The following MERTK variants were observed in gnomAD, a reference collection of about 807,000 sequenced individuals.
The protein encoded by MERTK is MER proto-oncogene, tyrosine kinase, also known as tyrosine-protein kinase Mer.
MERTK carries 69 observed loss-of-function variants against 99.3 expected under a neutral mutation model. The observed-to-expected ratio is 0.70, with a 90% CI of 0.57 to 0.85. MERTK has a LOEUF of 0.85. Among genes scored for constraint, MERTK ranks in the 40% least tolerant of loss-of-function variants. The probability of loss-of-function intolerance (pLI) is 0.00; values close to 1 mark genes in which losing one functional copy is unlikely to be tolerated. For synonymous variants in MERTK, 426 were observed against 467.6 expected, an observed-to-expected ratio of 0.91 and a Z score of 1.15; for missense variants, 1,125 against 1,249.4, an observed-to-expected ratio of 0.90 and a Z score of 1.50.
intron 4 of MERTK, among the ~76,000 whole-genome samples, chr2:111,962,332 A>G (rs2104719224): frequency 6.6e-6 from 1 of 152,220 alleles, no homozygotes; most frequent in South Asian, 2.1e-4. Flanking sequence ...ACATGGTGAT[A>G]CCCCGTCTCT....
chr2:111,952,488 C>G (rs1162722953), intron 4 of MERTK: 1 of 154,138 alleles, frequency 6.5e-6, no homozygotes, highest in Non-Finnish European at 1.5e-5. Flanking sequence ...ACAAATGAGC[C>G]AAAACTTAGG....
At chr2:111,970,792 TCCTCCTCCC>T (rs1676099622) in intron 6 of MERTK, among the ~76,000 whole-genome samples, 1 of 16,100 alleles carries the variant, frequency 6.2e-5, no homozygotes, top group Non-Finnish European at 1.3e-4. Flanking sequence ...TCCTCCCTCC[TCCTCCTCCC>T]CCCTCCTCCT....
chr2:112,025,902 A>G (rs1296118078), intron 18 of MERTK, among the ~76,000 whole-genome samples: 2 of 152,172 alleles, frequency 1.3e-5, no homozygotes, highest in African/African-American at 2.4e-5. Context: ...TCTATCTCCA[A>G]AACTCTTCTT....
intron 10 of MERTK, among the ~76,000 whole-genome samples, chr2:112,000,887 T>C (rs1004588950): frequency 6.6e-6 from 1 of 152,220 alleles, no homozygotes; most frequent in Non-Finnish European, 1.5e-5. Context: ...TTCATAAGTA[T>C]AGACTTATGG....
rs1214570160 is a variant in MERTK at position 111,929,461 on chromosome 2, A to G, written c.403A>G (p.Lys135Glu). The change falls in exon 2 of 19, where the codon AAG becomes GAG. Residue 135 changes from lysine (K) to glutamate (E), a missense_variant. Physicochemically the swap from Lys to Glu is moderately conservative, Grantham distance 56 (BLOSUM62 1). Transcript: ENST00000295408. ...DTTISWWKDG[K>E]ELLGAHHAIT... is the part of the protein sequence containing the mutation. ...CACAATTTCTTGGTGGAAAGATGGGAAGGAATTGCTTGGGGCACATCATGC... is the reference window on the plus strand; with the variant it reads ...CACAATTTCTTGGTGGAAAGATGGGGAGGAATTGCTTGGGGCACATCATGC... The G allele has an allele frequency of 6.2e-7, 1 of 1,614,084 alleles. No homozygotes were observed. Among genetic ancestry groups the G allele is most frequent in the Non-Finnish European group, 8.5e-7 (1 of 1,180,038 alleles).
intron 7 of MERTK, among the ~76,000 whole-genome samples, chr2:111,982,394 C>T (rs1676390424): frequency 6.6e-6 from 1 of 151,734 alleles, no homozygotes. Context: ...TCTTTCTTTC[C>T]TTCTTTTCTT....
At chr2:111,937,610 C>A (rs1272787850) in intron 2 of MERTK, among the ~76,000 whole-genome samples, 1 of 152,024 alleles carries the variant, frequency 6.6e-6, no homozygotes, top group Non-Finnish European at 1.5e-5. Flanking sequence ...CCCATCTTGC[C>A]TTACTGGGGC....
Position 112,028,495 on chromosome 2 carries a change from G to C in MERTK, c.2631G>C (p.Leu877Phe). 6.2e-7 allele frequency: 1 copy of C among 1,614,174 alleles called. No individual in the cohort carries two copies. Among genetic ancestry groups the C allele is most frequent in the Non-Finnish European group, 8.5e-7 (1 of 1,180,040 alleles). The change falls in exon 19 of 19, where the codon TTG becomes TTC. Residue 877 changes from leucine (L) to phenylalanine (F), a missense_variant. Transcript: ENST00000295408. The part of the protein sequence containing the change: ...QADVIYVNTQ[L>F]LESSEGLAQG... ...ACGTTATTTACGTCAATACACAGTT[G>C]CTGGAGAGCTCTGAGGGCCTGGCCC...
intron 2 of MERTK, among the ~76,000 whole-genome samples, chr2:111,930,838 T>A (rs1684657417): frequency 6.6e-6 from 1 of 152,154 alleles, no homozygotes; most frequent in South Asian, 2.1e-4. Flanking sequence ...TTTTGTATTC[T>A]CCACTCTTTC....
At position 111,982,972 on chromosome 2, in the gene MERTK, G is replaced by A. The variant is rs144708969; in HGVS notation, c.1275G>A (p.Val425=). 1.3e-4 allele frequency: 202 copies of A among 1,614,162 alleles called. No homozygotes were observed. The African/African-American group carries it at 2.0e-3, about 16-fold the overall frequency. The change falls in exon 8 of 19, where the codon GTG becomes GTA. Residue 425 remains valine, a synonymous_variant. Transcript: ENST00000295408. ...TGGTGGGCTACCGGATATCCCACGTGTGGCAGAGTGCAGGGATTTCCGTAA... is the reference window on the plus strand; with the variant it reads ...TGGTGGGCTACCGGATATCCCACGTATGGCAGAGTGCAGGGATTTCCGTAA... The part of the protein sequence containing the change: ...GELVGYRISH[V]WQSAGISKEL...
chr2:112,007,810 A>T (rs1677015654), intron 13 of MERTK, among the ~76,000 whole-genome samples: 1 of 151,910 alleles, frequency 6.6e-6, no homozygotes. Context: ...AGCAAATATA[A>T]TTGCAACAGA....
rs544199132 is a variant in MERTK at position 112,010,383 on chromosome 2, A to T, written c.2079+317A>T. 357 of 322,624 alleles carry T rather than the reference A, an allele frequency of 1.1e-3. 2 individuals are homozygous for T. Among genetic ancestry groups the T allele is most frequent in the African/African-American group, 7.3e-3 (344 of 47,182 alleles). 20.0% of individuals were successfully genotyped at this position (322,624 alleles called of 1,614,324 possible). ...ACCCTCATGGCCGCATACTCCCCAG[A>T]GCTTGCAGACTATGGGAAGGCCATT... On this transcript the variant is annotated intron_variant, in intron 15 of 18. Coordinates refer to ENST00000295408, the MANE Select transcript of MERTK (RefSeq NM_006343.3).
chr2:112,001,274 A>G lies in MERTK; in HGVS notation c.1678A>G (p.Ile560Val), dbSNP rs767984612. The change falls in exon 11 of 19, where the codon ATT (isoleucine) becomes GTT (valine). Residue 560 changes from isoleucine (I) to valine (V), a missense_variant. Ile to Val is a conservative substitution (Grantham distance 29). Transcript: ENST00000295408. ...IAKKSFCRRA[I>V]ELTLHSLGVS... is the part of the protein sequence containing the mutation. Reference sequence around the variant, plus strand: ...AAAGAAATCCTTCTGTCGGCGAGCCATTGAACTTACCTGTAAGTTGACTTT... The same window carrying G: ...AAAGAAATCCTTCTGTCGGCGAGCCGTTGAACTTACCTGTAAGTTGACTTT... The G allele has an allele frequency of 1.2e-6, 2 of 1,613,046 alleles. No homozygotes were observed. Among genetic ancestry groups the G allele is most frequent in the Non-Finnish European group, 1.7e-6 (2 of 1,178,988 alleles).
intron 18 of MERTK, among the ~76,000 whole-genome samples, chr2:112,026,894 G>T (rs771515671): frequency 1.3e-5 from 2 of 152,192 alleles, no homozygotes; most frequent in African/African-American, 4.8e-5. Context: ...CTGTTCGTAA[G>T]ATGCTAGTAA....
intron 4 of MERTK, among the ~76,000 whole-genome samples, chr2:111,956,271 A>G (rs1685147099): frequency 6.6e-6 from 1 of 152,190 alleles, no homozygotes; most frequent in Non-Finnish European, 1.5e-5. Context: ...GGTTTCAGTG[A>G]AATAATGAAT....
At chr2:111,945,491 C>A (rs1684947225) in intron 3 of MERTK, among the ~76,000 whole-genome samples, 1 of 152,252 alleles carries the variant, frequency 6.6e-6, no homozygotes, top group African/African-American at 2.4e-5. Context: ...GACAGTGAAA[C>A]CCTGGAGGGT....
At chr2:112,021,696 G>T in intron 17 of MERTK, 115 bp downstream of exon 17, 1 of 957,002 alleles carries the variant, frequency 1.0e-6, no homozygotes, top group Non-Finnish European at 1.6e-6. Context: ...CTGAGGGTTG[G>T]CAGCTTGCTC....
Position 111,978,185 on chromosome 2 carries a change from C to T in MERTK, c.1144+2713C>T, listed in dbSNP as rs573723403. Among the ~76,000 whole-genome samples, 20 of 147,574 alleles carry T rather than the reference C, an allele frequency of 1.4e-4. 1 individual carries two copies. The highest frequency in any genetic ancestry group is 9.5e-4 in the Admixed American group (14 of 14,678). ...TTTTTTTGAGATGGAGTTTCACTCTCGTTGCCCAGGCTGGAGTGCAATGGT... is the reference window on the plus strand; with the variant it reads ...TTTTTTTGAGATGGAGTTTCACTCTTGTTGCCCAGGCTGGAGTGCAATGGT... On this transcript the variant is annotated intron_variant, in intron 7 of 18. Transcript: ENST00000295408.
intron 18 of MERTK, among the ~76,000 whole-genome samples, chr2:112,024,050 G>T (rs1677414789): frequency 6.6e-6 from 1 of 152,186 alleles, no homozygotes; most frequent in Non-Finnish European, 1.5e-5. Flanking sequence ...TTTTATTGTG[G>T]TGGTAGATGT....
Sources: gnomAD v4.1 joint callset for allele counts (sites outside exome capture counted in the v4.1 genomes callset) on GRCh38, gnomAD v4.1.1 for gene constraint, MANE v1.5 for transcripts, NCBI Gene and HGNC (gene_info 2026-07-23, HGNC 2026-07-21) for gene names.